PFDN4: variants seen among roughly 807,000 people sequenced by gnomAD.
PFDN4 encodes the protein prefoldin subunit 4.
Under a neutral mutation model 17.6 loss-of-function variants are expected in PFDN4, and 6 were observed. That is an observed-to-expected ratio of 0.34 (90% CI 0.19 to 0.67). PFDN4 has a LOEUF of 0.67. Among genes scored for constraint, PFDN4 ranks in the 30% least tolerant of loss-of-function variants. The probability of loss-of-function intolerance (pLI) is 0.68; values close to 1 mark genes in which losing one functional copy is unlikely to be tolerated. For missense variants in PFDN4, 119 were observed against 158.4 expected (o/e 0.75, Z 1.33); for synonymous variants, 48 against 51.1 (o/e 0.94, Z 0.26).
intron 1 of PFDN4, chr20:54,208,452 G>A (rs1000341641): frequency 3.0e-6 from 1 of 337,532 alleles, no homozygotes; most frequent in Non-Finnish European, 5.3e-6. Context: ...GGTGTGGGAA[G>A]CCGAAGGTCC....
chr20:54,219,118 A>G lies in PFDN4; in HGVS notation c.373A>G (p.Ser125Gly). 2 of 1,586,978 alleles carry G rather than the reference A, an allele frequency of 1.3e-6. No individual in the cohort carries two copies. Among genetic ancestry groups the G allele is most frequent in the Admixed American group, 1.7e-5 (1 of 57,658 alleles). ...LKVQLYAKFG[S>G]NINLEADES ...AGTTCAGTTGTATGCAAAATTCGGG[A>G]GCAACATAAACCTTGAAGCTGATGA... Residue 125 changes from serine to glycine, a missense_variant, in exon 4 of 4, where the codon AGC becomes GGC. Ser to Gly is a moderately conservative substitution (Grantham distance 56). Transcript: ENST00000371419.
intron 1 of PFDN4, among the ~76,000 whole-genome samples, chr20:54,209,070 A>T (rs1254248717): frequency 1.3e-5 from 2 of 152,192 alleles, no homozygotes; most frequent in Admixed American, 1.3e-4. Context: ...ATAACGGCTG[A>T]TAATTTGGGG....
At chr20:54,211,141 A>G (rs892085027) in intron 1 of PFDN4, among the ~76,000 whole-genome samples, 6 of 152,234 alleles carry the variant, frequency 3.9e-5, no homozygotes, top group Non-Finnish European at 4.4e-5. Context: ...AGTTTACATC[A>G]TACAGACTTG....
At chr20:54,218,969 T>A (rs1350791187) in intron 3 of PFDN4, 50 bp from the exon 4 acceptor site, 1 of 1,197,990 alleles carries the variant, frequency 8.3e-7, no homozygotes, top group Non-Finnish European at 1.2e-6. Flanking sequence ...ACACAGATGC[T>A]CAGAAATCAT....
intron 1 of PFDN4, among the ~76,000 whole-genome samples, chr20:54,211,261 G>T (rs1353217331): frequency 2.0e-5 from 3 of 152,166 alleles, no homozygotes; most frequent in Non-Finnish European, 2.9e-5. Flanking sequence ...TTGGTGTGAG[G>T]CATGACTGAG....
At chr20:54,214,029 T>C (rs1318345411) in intron 1 of PFDN4, among the ~76,000 whole-genome samples, 1 of 152,230 alleles carries the variant, frequency 6.6e-6, no homozygotes, top group African/African-American at 2.4e-5. Flanking sequence ...AATGAAAGAA[T>C]GCTCCAACTT....
intron 1 of PFDN4, among the ~76,000 whole-genome samples, chr20:54,213,834 C>G (rs1372835190): frequency 6.6e-6 from 1 of 151,830 alleles, no homozygotes; most frequent in East Asian, 1.9e-4. Flanking sequence ...CTTATTAAGA[C>G]ATTTAAACAG....
chr20:54,216,168 T>C (rs1231596147), intron 3 of PFDN4, among the ~76,000 whole-genome samples: 2 of 149,434 alleles, frequency 1.3e-5, no homozygotes, highest in African/African-American at 5.2e-5. Flanking sequence ...GAAATATAAT[T>C]ACTGGGTCAG....
At chr20:54,209,787 C>A (rs1356192158) in intron 1 of PFDN4, among the ~76,000 whole-genome samples, 1 of 152,020 alleles carries the variant, frequency 6.6e-6, no homozygotes, top group South Asian at 2.1e-4. Context: ...TTCATTGATT[C>A]AGTAAATTTT....
chr20:54,209,537 C>G (rs1326298589), intron 1 of PFDN4, among the ~76,000 whole-genome samples: 3 of 152,064 alleles, frequency 2.0e-5, no homozygotes, highest in African/African-American at 7.2e-5. Context: ...CATGGTGATT[C>G]AAAAAAGTAT....
chr20:54,218,242 C>A (rs1385310532), intron 3 of PFDN4, among the ~76,000 whole-genome samples: 1 of 147,042 alleles, frequency 6.8e-6, no homozygotes, highest in Non-Finnish European at 1.5e-5. Context: ...ATGAGGGAAG[C>A]ATTAACATTA....
chr20:54,210,576 C>T (rs1475573667), intron 1 of PFDN4, among the ~76,000 whole-genome samples: 2 of 152,150 alleles, frequency 1.3e-5, no homozygotes, highest in African/African-American at 4.8e-5. Flanking sequence ...AGAGTTCTGC[C>T]TTCTAAGATC....
chr20:54,209,696 G>A (rs2092753166), intron 1 of PFDN4, among the ~76,000 whole-genome samples: 1 of 152,192 alleles, frequency 6.6e-6, no homozygotes, highest in African/African-American at 2.4e-5. Flanking sequence ...GAAGTAAATG[G>A]TAGAAGAGGA....
intron 3 of PFDN4, among the ~76,000 whole-genome samples, chr20:54,218,191 TTA>T (rs1787800917): frequency 6.6e-6 from 1 of 151,148 alleles, no homozygotes; most frequent in Non-Finnish European, 1.5e-5. Context: ...TTTTTTTTTT[TTA>T]AAACAAAGAG....
chr20:54,212,338 C>T (rs1438781983), intron 1 of PFDN4, among the ~76,000 whole-genome samples: 1 of 152,214 alleles, frequency 6.6e-6, no homozygotes, highest in Admixed American at 6.5e-5. Flanking sequence ...AAATGGCACT[C>T]CACTGGGCGG....
chr20:54,218,933 A>G, intron 3 of PFDN4, 86 bp from the exon 4 acceptor site: 1 of 900,712 alleles, frequency 1.1e-6, no homozygotes, highest in East Asian at 2.9e-5. Context: ...TTCTTGACCT[A>G]AAATTCTTCC....
chr20:54,208,455 G>A (rs1252799952), intron 1 of PFDN4: 1 of 332,132 alleles, frequency 3.0e-6, no homozygotes, highest in African/African-American at 2.2e-5. Flanking sequence ...GTGGGAAGCC[G>A]AAGGTCCCGT....
chr20:54,212,973 C>T (rs1417201139), intron 1 of PFDN4, among the ~76,000 whole-genome samples: 2 of 152,214 alleles, frequency 1.3e-5, no homozygotes, highest in Non-Finnish European at 2.9e-5. Context: ...GGGCATAATG[C>T]ATGTGAAATT....
Position 54,219,071 on chromosome 20 carries a change from A to T in PFDN4, c.326A>T (p.Gln109Leu). 1 of 1,588,994 alleles carries T rather than the reference A, an allele frequency of 6.3e-7. No homozygotes were observed. Among genetic ancestry groups the T allele is most frequent in the Non-Finnish European group, 8.6e-7 (1 of 1,164,538 alleles). Residue 109 changes from glutamine (Q) to leucine (L), a missense_variant, in exon 4 of 4, where the codon CAG (glutamine) becomes CTG (leucine). Transcript: ENST00000371419. ...DALESRVESIQRVLADLKVQL... is the reference protein window; with the variant it reads ...DALESRVESILRVLADLKVQL... The stretch of plus-strand genomic sequence containing the variant: ...TTAGAATCCAGAGTGGAATCAATTC[A>T]GCGAGTGTTAGCAGATTTGAAAGTT...
Sources: allele counts gnomAD v4.1 joint callset (sites outside exome capture counted in the v4.1 genomes callset), GRCh38; gene constraint gnomAD v4.1.1; transcripts MANE v1.5; gene names NCBI Gene and HGNC (gene_info 2026-07-23, HGNC 2026-07-21).